The following CCNB3 variants were observed in gnomAD, a reference collection of about 807,000 sequenced individuals.
CCNB3 encodes the protein cyclin B3.
A neutral mutation model predicts 68.0 loss-of-function variants in CCNB3; 12 were observed. That is an observed-to-expected ratio of 0.18 (90% CI 0.11 to 0.29). CCNB3 has a LOEUF of 0.29. Ranked by LOEUF, CCNB3 falls within the 10% of genes least tolerant of loss-of-function variation. The pLI is 1.00. For synonymous variants in CCNB3, 354 were observed against 388.9 expected (o/e 0.91, Z 1.06); for missense variants, 904 against 993.1 (o/e 0.91, Z 1.21).
chrX:50,333,290 T>C (rs1218794066), intron 8 of CCNB3, among the ~76,000 whole-genome samples: 2 of 111,163 alleles, frequency 1.8e-5, no homozygotes, highest in Admixed American at 9.5e-5. Flanking sequence ...GCCTTTTCAG[T>C]TCGTGTTGGA....
At chrX:50,205,336 G>C (rs1602172929) in intron 1 of CCNB3, among the ~76,000 whole-genome samples, 3 of 111,828 alleles carry the variant, frequency 2.7e-5, no homozygotes, top group Admixed American at 1.9e-4. Context: ...CAGCTACTCG[G>C]GAGGCTGAGG....
chrX:50,311,838 G>T (rs782394012), intron 6 of CCNB3, among the ~76,000 whole-genome samples: 1 of 110,777 alleles, frequency 9.0e-6, no homozygotes, highest in Admixed American at 9.7e-5. Flanking sequence ...ACAATCTCTT[G>T]ACTTCCTGAT....
intron 1 of CCNB3, among the ~76,000 whole-genome samples, chrX:50,279,304 A>G (rs1373218254): frequency 4.2e-5 from 3 of 71,789 alleles, no homozygotes; most frequent in Non-Finnish European, 6.9e-5. Context: ...ATATATGAAT[A>G]TTTATATTTA....
chrX:50,282,511 G>T (rs1467612675), intron 1 of CCNB3, among the ~76,000 whole-genome samples: 1 of 111,766 alleles, frequency 8.9e-6, no homozygotes, highest in Non-Finnish European at 1.9e-5. Flanking sequence ...GTATGTAGGG[G>T]ACATGGAAAG....
intron 1 of CCNB3, among the ~76,000 whole-genome samples, chrX:50,221,157 T>C (rs1469354300): frequency 9.0e-6 from 1 of 111,604 alleles, no homozygotes; most frequent in Non-Finnish European, 1.9e-5. Context: ...GTTTGGTTCT[T>C]CTCTCTTTTC....
At chrX:50,220,389 A>T (rs1218832322) in intron 1 of CCNB3, among the ~76,000 whole-genome samples, 1 of 111,794 alleles carries the variant, frequency 8.9e-6, no homozygotes, top group Non-Finnish European at 1.9e-5. Context: ...ATTCAGTATG[A>T]TATTGGCTGT....
rs1198226300 is a variant in CCNB3, at chrX:50,219,538, C to T, written c.-113+14588C>T. On this transcript the variant is annotated intron_variant, in intron 1 of 12. Coordinates refer to ENST00000376042, the MANE Select transcript of CCNB3 (RefSeq NM_033031.3). ...TTTATTAAATGGGGAATCCGTTCCC[C>T]ATTGCTTGTTTTTGTCAAGTTTGTC... 3.6e-5 allele frequency among the ~76,000 whole-genome samples: 4 copies of T among 111,336 alleles called. No homozygotes were observed. In the Admixed American group the frequency reaches 3.8e-4, roughly 11 times the overall value.
chrX:50,321,376 A>G (rs1922006188), intron 8 of CCNB3, among the ~76,000 whole-genome samples: 1 of 112,082 alleles, frequency 8.9e-6, no homozygotes, highest in South Asian at 3.6e-4. Flanking sequence ...TAGGAAAGTC[A>G]TTAGTCCAGA....
At chrX:50,293,997 G>A (rs782730075) in intron 4 of CCNB3, among the ~76,000 whole-genome samples, 1 of 111,537 alleles carries the variant, frequency 9.0e-6, no homozygotes, top group Non-Finnish European at 1.9e-5. Flanking sequence ...GTACAGTAGC[G>A]TGGTTGAAGC....
In CCNB3 at chrX:50,308,526, A is replaced by G; in HGVS notation, c.357A>G (p.Pro119=). 8.4e-7 allele frequency: 1 copy of G among 1,195,701 alleles called. No individual in the cohort carries two copies. The highest frequency in any genetic ancestry group is 1.1e-6 in the Non-Finnish European group (1 of 883,151). ...ACAGGCATAAGCTGGAAGTCACACC[A>G]GTAGTAGCCTCTACTACCGTGGTAC... ...NLKWHKLEVT[P]VVASTTVVPN... is the part of the protein sequence containing the mutation. The change falls in exon 6 of 13, where the codon CCA becomes CCG. Residue 119 remains proline (P), a synonymous_variant. Coordinates refer to ENST00000376042, the MANE Select transcript of CCNB3 (RefSeq NM_033031.3).
chrX:50,212,969 T>G (rs1935506290), intron 1 of CCNB3, among the ~76,000 whole-genome samples: 1 of 111,838 alleles, frequency 8.9e-6, no homozygotes, highest in Non-Finnish European at 1.9e-5. Context: ...GGAAATCTTG[T>G]GTTCACCATA....
chrX:50,210,408 T>G (rs1280422146), intron 1 of CCNB3, among the ~76,000 whole-genome samples: 4 of 112,311 alleles, frequency 3.6e-5, no homozygotes, highest in East Asian at 2.8e-4. Flanking sequence ...AATAATTTTT[T>G]TTGTTGTTGT....
chrX:50,212,660 TCACAC>T (rs1349593283), intron 1 of CCNB3, among the ~76,000 whole-genome samples: 1 of 110,758 alleles, frequency 9.0e-6, no homozygotes, highest in Non-Finnish European at 1.9e-5. Context: ...CCTTTATCTA[TCACAC>T]CCCAGCCACC....
chrX:50,280,449 G>C (rs1389878412), intron 1 of CCNB3, among the ~76,000 whole-genome samples: 1 of 108,777 alleles, frequency 9.2e-6, no homozygotes, highest in Non-Finnish European at 1.9e-5. Context: ...TTTGTCATCT[G>C]TAAAATGGCA....
At chrX:50,334,154 C>A (rs1294706064) in intron 8 of CCNB3, among the ~76,000 whole-genome samples, 5 of 112,408 alleles carry the variant, frequency 4.4e-5, no homozygotes, top group African/African-American at 1.6e-4. Context: ...ACATATCCTG[C>A]ACATCTTTCT....
chrX:50,317,863 C>A (rs1016322884), intron 8 of CCNB3, among the ~76,000 whole-genome samples: 1 of 111,161 alleles, frequency 9.0e-6, no homozygotes, highest in East Asian at 2.8e-4. Flanking sequence ...AGGCACTGTG[C>A]CCGACTTCTT....
chrX:50,347,996 A>C (rs1557220628), intron 11 of CCNB3, among the ~76,000 whole-genome samples: 2 of 111,431 alleles, frequency 1.8e-5, no homozygotes, highest in African/African-American at 3.3e-5. Context: ...CTTTGTTCCA[A>C]AGAAAGCTCA....
At chrX:50,312,174 C>T (rs1367710732) in intron 6 of CCNB3, among the ~76,000 whole-genome samples, 4 of 110,768 alleles carry the variant, frequency 3.6e-5, no homozygotes, top group Non-Finnish European at 7.6e-5. Context: ...GAAAAGACTA[C>T]CAAGATGAAT....
chrX:50,228,803 T>C (rs1239950431), intron 1 of CCNB3, among the ~76,000 whole-genome samples: 1 of 75,684 alleles, frequency 1.3e-5, no homozygotes, highest in Admixed American at 1.9e-4. Context: ...ATAGAATAGA[T>C]ATATAGAATA....
Sources: gnomAD v4.1 joint callset for allele counts (sites outside exome capture counted in the v4.1 genomes callset) on GRCh38, gnomAD v4.1.1 for gene constraint, MANE v1.5 for transcripts, NCBI Gene and HGNC (gene_info 2026-07-23, HGNC 2026-07-21) for gene names.